The following STX8 variants were observed in gnomAD, a reference collection of about 807,000 sequenced individuals.
STX8 encodes the protein syntaxin-8.
Under a neutral mutation model 37.5 loss-of-function variants are expected in STX8, and 23 were observed. The ratio of observed to expected loss-of-function variants is 0.61; its 90% CI spans 0.44 to 0.87. The LOEUF (loss-of-function observed/expected upper bound fraction) is 0.87. Among genes scored for constraint, STX8 ranks in the 40% least tolerant of loss-of-function variants. STX8 has a pLI of 0.00. For missense variants in STX8, 313 were observed against 284.7 expected, an observed-to-expected ratio of 1.10 and a Z score of -0.71; for synonymous variants, 115 against 99.1, an observed-to-expected ratio of 1.16 and a Z score of -0.95.
intron 6 of STX8, among the ~76,000 whole-genome samples, chr17:9,379,362 T>A (rs867384816): frequency 6.6e-6 from 1 of 151,482 alleles, no homozygotes; most frequent in Middle Eastern, 3.4e-3. Context: ...AATAAAGAGA[T>A]GATGGAGAGA....
At chr17:9,506,110 C>G (rs552452428) in intron 4 of STX8, among the ~76,000 whole-genome samples, 1 of 152,072 alleles carries the variant, frequency 6.6e-6, no homozygotes, top group Non-Finnish European at 1.5e-5. Flanking sequence ...CCTTTCTGCA[C>G]GAGACCAGTT....
At chr17:9,442,084 G>A (rs1904682430) in intron 6 of STX8, among the ~76,000 whole-genome samples, 1 of 152,244 alleles carries the variant, frequency 6.6e-6, no homozygotes, top group East Asian at 1.9e-4. Flanking sequence ...TAAGCTGAGA[G>A]CACCCCACGT....
At chr17:9,413,588 C>T (rs1336070324) in intron 6 of STX8, among the ~76,000 whole-genome samples, 2 of 152,126 alleles carry the variant, frequency 1.3e-5, no homozygotes, top group African/African-American at 4.8e-5. Flanking sequence ...TGTTTTTCCC[C>T]CTAGTCATAT....
At chr17:9,558,318 T>C (rs556422040) in intron 2 of STX8, among the ~76,000 whole-genome samples, 26 of 152,312 alleles carry the variant, frequency 1.7e-4, no homozygotes, top group African/African-American at 5.1e-4. Flanking sequence ...GCAGCAATTA[T>C]ATAACTCAAG....
chr17:9,483,921 C>T (rs1906460991), intron 6 of STX8, among the ~76,000 whole-genome samples: 1 of 152,182 alleles, frequency 6.6e-6, no homozygotes, highest in Middle Eastern at 3.4e-3. Flanking sequence ...AGAGCCTGGC[C>T]CCCTTTGGTA....
intron 6 of STX8, among the ~76,000 whole-genome samples, chr17:9,485,776 G>A (rs1017890368): frequency 6.6e-6 from 1 of 152,010 alleles, no homozygotes; most frequent in East Asian, 1.9e-4. Flanking sequence ...AGTAGAGACG[G>A]GGTTTCACCA....
chr17:9,493,281 T>A (rs1185479768), intron 5 of STX8, among the ~76,000 whole-genome samples: 5 of 152,180 alleles, frequency 3.3e-5, no homozygotes, highest in African/African-American at 9.6e-5. Flanking sequence ...AAAAATAATT[T>A]GAAAATTTTT....
intron 5 of STX8, among the ~76,000 whole-genome samples, chr17:9,495,558 C>T (rs903437909): frequency 2.0e-5 from 3 of 152,106 alleles, no homozygotes; most frequent in Non-Finnish European, 4.4e-5. Flanking sequence ...ACACTAATTA[C>T]ACTCTTTAAT....
intron 6 of STX8, among the ~76,000 whole-genome samples, chr17:9,387,752 A>G (rs1446040504): frequency 6.6e-6 from 1 of 152,200 alleles, no homozygotes; most frequent in Non-Finnish European, 1.5e-5. Flanking sequence ...CAACGCCACA[A>G]TACATAATAC....
chr17:9,420,479 C>A (rs1334731493), intron 6 of STX8, among the ~76,000 whole-genome samples: 1 of 152,176 alleles, frequency 6.6e-6, no homozygotes, highest in African/African-American at 2.4e-5. Context: ...CGCCTATCTG[C>A]TGCCACCGTG....
At chr17:9,253,325 C>G (rs908214495) in intron 7 of STX8, among the ~76,000 whole-genome samples, 2 of 151,502 alleles carry the variant, frequency 1.3e-5, no homozygotes, top group African/African-American at 4.9e-5. Flanking sequence ...GTGAGAATAT[C>G]TTAGTCCATC....
At chr17:9,374,065 A>G (rs1394619982) in intron 7 of STX8, among the ~76,000 whole-genome samples, 1 of 150,888 alleles carries the variant, frequency 6.6e-6, no homozygotes, top group African/African-American at 2.4e-5. Context: ...ATTTTATGCT[A>G]TATATATTTT....
At position 9,259,104 on chromosome 17, in the gene STX8, C is replaced by T. The variant is rs1054601359; in HGVS notation, c.644-8459G>A. On this transcript the variant is annotated intron_variant, in intron 7 of 7. Transcript: ENST00000306357. ...GTGGAAGGGGTACTGATTTTACAGTCAAGAAGACCTGACTTCTAATCTGCC... is the reference window on the plus strand; with the variant it reads ...GTGGAAGGGGTACTGATTTTACAGTTAAGAAGACCTGACTTCTAATCTGCC... Among the ~76,000 whole-genome samples, 3 of 152,306 alleles carry T rather than the reference C, an allele frequency of 2.0e-5. No individual in the cohort carries two copies. In the East Asian group the frequency reaches 5.8e-4, roughly 29 times the overall value.
chr17:9,428,559 C>G (rs1014980972), intron 6 of STX8, among the ~76,000 whole-genome samples: 1 of 152,116 alleles, frequency 6.6e-6, no homozygotes, highest in Non-Finnish European at 1.5e-5. Context: ...TTCTTAATCT[C>G]TCTTGAGGTG....
At chr17:9,281,974 C>T (rs1907901575) in intron 7 of STX8, among the ~76,000 whole-genome samples, 3 of 152,174 alleles carry the variant, frequency 2.0e-5, no homozygotes, top group Admixed American at 2.0e-4. Flanking sequence ...CTGCTGGAGG[C>T]CTCTCCACCA....
intron 7 of STX8, among the ~76,000 whole-genome samples, chr17:9,344,972 A>C (rs1437838965): frequency 6.6e-6 from 1 of 152,104 alleles, no homozygotes; most frequent in Non-Finnish European, 1.5e-5. Context: ...AAAAATCGGC[A>C]AAGTTTACAC....
chr17:9,496,433 C>G (rs1203881373), intron 5 of STX8, among the ~76,000 whole-genome samples: 2 of 152,190 alleles, frequency 1.3e-5, no homozygotes, highest in East Asian at 3.8e-4. Context: ...AAAATCTGCC[C>G]TACTCTTTCA....
chr17:9,357,990 A>C (rs2142255195), intron 7 of STX8, among the ~76,000 whole-genome samples: 1 of 152,332 alleles, frequency 6.6e-6, no homozygotes, highest in South Asian at 2.1e-4. Context: ...ACTGGTTTGC[A>C]TGCTGCTAAG....
chr17:9,425,531 A>T (rs1340756366), intron 6 of STX8, among the ~76,000 whole-genome samples: 1 of 152,236 alleles, frequency 6.6e-6, no homozygotes, highest in Non-Finnish European at 1.5e-5. Flanking sequence ...GCTACCAGCT[A>T]TTGAGCTACT....
Sources: gnomAD v4.1 joint callset for allele counts (sites outside exome capture counted in the v4.1 genomes callset) on GRCh38, gnomAD v4.1.1 for gene constraint, MANE v1.5 for transcripts, NCBI Gene and HGNC (gene_info 2026-07-23, HGNC 2026-07-21) for gene names.